Variants in SEMA6A observed in about 807,000 individuals in gnomAD.
SEMA6A encodes semaphorin 6A, also known as semaphorin-6A.
SEMA6A carries 25 observed loss-of-function variants against 96.8 expected under a neutral mutation model. That is an observed-to-expected ratio of 0.26 (90% CI 0.19 to 0.36). The LOEUF (loss-of-function observed/expected upper bound fraction) is 0.36, where lower values mean the gene tolerates loss of function less well. Among genes scored for constraint, SEMA6A ranks in the 10% least tolerant of loss-of-function variants. The probability of loss-of-function intolerance (pLI) is 1.00; values close to 1 mark genes in which losing one functional copy is unlikely to be tolerated. For synonymous variants in SEMA6A, 612 were observed against 518.0 expected (o/e 1.18, Z -2.46); for missense variants, 1,363 against 1,323.1 (o/e 1.03, Z -0.47).
At chr5:116,558,127 CT>C (rs1486034221) in intron 1 of SEMA6A, among the ~76,000 whole-genome samples, 1 of 152,154 alleles carries the variant, frequency 6.6e-6, no homozygotes, top group South Asian at 2.1e-4. Flanking sequence ...TTAAAGCCCC[CT>C]GAAAATAGTT....
At position 116,557,315 on chromosome 5, in the gene SEMA6A, G is replaced by A. The variant is rs146035040; in HGVS notation, c.-39+16870C>T. Among the ~76,000 whole-genome samples the A allele has an allele frequency of 7.1e-3, 1,080 of 152,242 alleles. 9 individuals are homozygous for A. Among genetic ancestry groups the A allele is most frequent in the African/African-American group, 0.025 (1,020 of 41,544 alleles). ...CAATCTCCACCTCCTGGGCTCAAGC[G>A]ATTCTCGTGCCTCAGTCTCCCAAGT... is the stretch of plus-strand genomic sequence containing the variant. On this transcript the variant is annotated intron_variant, in intron 1 of 18. Coordinates refer to ENST00000343348, the MANE Select transcript of SEMA6A (RefSeq NM_020796.5).
chr5:116,546,530 A>G (rs1760193476), intron 1 of SEMA6A, among the ~76,000 whole-genome samples: 1 of 152,212 alleles, frequency 6.6e-6, no homozygotes, highest in Non-Finnish European at 1.5e-5. Context: ...TAAAATGCAG[A>G]TTCATATCCA....
chr5:116,447,817 A>G lies in SEMA6A; in HGVS notation c.1895-6T>C, dbSNP rs1306666388. ...GTAACTTTCCCGAATCACTCCTGCA[A>G]TAGACATCGCATATGGCGTTAAGAA... is the stretch of plus-strand genomic sequence containing the variant. On this transcript the variant is annotated splice_region_variant and splice_polypyrimidine_tract_variant and intron_variant, in intron 18 of 18. Transcript: ENST00000343348. 1.8e-5 allele frequency: 28 copies of G among 1,581,542 alleles called. No individual in the cohort carries two copies. The highest frequency in any genetic ancestry group is 2.4e-5 in the Non-Finnish European group (28 of 1,160,312).
At position 116,467,692 on chromosome 5, in the gene SEMA6A, C is replaced by T; in HGVS notation, c.1785G>A (p.Glu595=). The change falls in exon 18 of 19, where the codon GAG becomes GAA. Residue 595 remains glutamate, a synonymous_variant. Coordinates refer to ENST00000343348, the MANE Select transcript of SEMA6A (RefSeq NM_020796.5). ...STTTSDSTAQ[E]GYESRGGMLD... The stretch of plus-strand genomic sequence containing the variant: ...GCATTCCTCCCCTAGACTCATACCC[C>T]TCTTGAGCCGTCGAATCTGATGTGG... The T allele has an allele frequency of 6.2e-7, 1 of 1,613,864 alleles. No individual in the cohort carries two copies. The highest frequency in any genetic ancestry group is 1.1e-5 in the South Asian group (1 of 91,064).
At chr5:116,449,199 A>G (rs1209107021) in intron 18 of SEMA6A, 6 of 620,616 alleles carry the variant, frequency 9.7e-6, no homozygotes, top group African/African-American at 3.7e-5. Context: ...AATCTCTAAT[A>G]CCTCAATTCC....
At chr5:116,473,036 C>T (rs1756244092) in intron 17 of SEMA6A, 37 bp downstream of exon 17, 1 of 1,576,496 alleles carries the variant, frequency 6.3e-7, no homozygotes, top group African/African-American at 1.3e-5. Flanking sequence ...GATAGGTTTC[C>T]ACCAGTATGG....
At chr5:116,451,295 A>T (rs1401623694) in intron 18 of SEMA6A, among the ~76,000 whole-genome samples, 1 of 152,210 alleles carries the variant, frequency 6.6e-6, no homozygotes, top group Non-Finnish European at 1.5e-5. Flanking sequence ...TTAGTGGCTC[A>T]CAGAGGGCTT....
At chr5:116,502,355 A>G in intron 2 of SEMA6A, 28 bp from the exon 3 acceptor site, 3 of 1,600,360 alleles carry the variant, frequency 1.9e-6, no homozygotes, top group Non-Finnish European at 2.6e-6. Flanking sequence ...GGGGCAAGAA[A>G]GGAAAAGCAA....
At chr5:116,497,466 A>G (rs1029715681) in intron 3 of SEMA6A, 79 bp from the exon 4 acceptor site, 7 of 837,790 alleles carry the variant, frequency 8.4e-6, no homozygotes, top group African/African-American at 1.7e-5. Flanking sequence ...GTTATGTCTT[A>G]TCAGGGCAGA....
At chr5:116,522,159 G>C (rs1441743355) in intron 1 of SEMA6A, among the ~76,000 whole-genome samples, 1 of 152,194 alleles carries the variant, frequency 6.6e-6, no homozygotes, top group Admixed American at 6.5e-5. Flanking sequence ...GTCTCTGAGG[G>C]AGGAGGTGTA....
chr5:116,545,901 T>A (rs925751985), intron 1 of SEMA6A, among the ~76,000 whole-genome samples: 2 of 152,222 alleles, frequency 1.3e-5, no homozygotes, highest in Admixed American at 6.5e-5. Flanking sequence ...TATCTAGTTC[T>A]GCCATTCATC....
chr5:116,547,734 T>TAAAAAAAAAAAA (rs34908253), intron 1 of SEMA6A, among the ~76,000 whole-genome samples: 3 of 65,584 alleles, frequency 4.6e-5, no homozygotes, highest in African/African-American at 5.7e-5. Flanking sequence ...ATCTGATACT[T>TAAAAAAAAAAAA]AAAAAAAAAA....
chr5:116,490,188 T>G (rs1362887229), intron 7 of SEMA6A, among the ~76,000 whole-genome samples: 1 of 152,224 alleles, frequency 6.6e-6, no homozygotes, highest in African/African-American at 2.4e-5. Flanking sequence ...CAGCTATATA[T>G]CAATAAGTTT....
rs1754143778 is a variant in SEMA6A, at chr5:116,445,824, T to C, written c.*789A>G. ...TTAATGGATTTCACGTTAAATAGTT[T>C]AACTTTCAATGGGCTTTCTGAAGAG... On this transcript the variant is annotated 3_prime_UTR_variant, in exon 19 of 19. Coordinates refer to ENST00000343348, the MANE Select transcript of SEMA6A (RefSeq NM_020796.5). The C allele has an allele frequency of 6.5e-6, 1 of 152,682 alleles. No individual in the cohort carries two copies. Among genetic ancestry groups the C allele is most frequent in the Non-Finnish European group, 1.5e-5 (1 of 68,040 alleles). The allele number at this position is 152,682 out of a possible 1,614,324, so 9.5% of individuals were successfully genotyped here.
chr5:116,459,429 C>A (rs1755231708), intron 18 of SEMA6A, among the ~76,000 whole-genome samples: 1 of 152,144 alleles, frequency 6.6e-6, no homozygotes, highest in Non-Finnish European at 1.5e-5. Flanking sequence ...TCTACCTTCC[C>A]ATCCTCCACT....
intron 1 of SEMA6A, among the ~76,000 whole-genome samples, chr5:116,518,919 A>G (rs548402702): frequency 7.2e-5 from 11 of 152,302 alleles, no homozygotes; most frequent in African/African-American, 2.4e-4. Context: ...TGAATAACTA[A>G]AAGACTAAGG....
At chr5:116,458,730 C>CT (rs960304252) in intron 18 of SEMA6A, among the ~76,000 whole-genome samples, 1 of 151,580 alleles carries the variant, frequency 6.6e-6, no homozygotes, top group African/African-American at 2.4e-5. Flanking sequence ...TGACATTTAA[C>CT]TTTTTTTTTC....
At chr5:116,467,977 A>C (rs1755879155) in intron 17 of SEMA6A, 6 of 523,264 alleles carry the variant, frequency 1.1e-5, no homozygotes, top group Admixed American at 3.4e-5. Flanking sequence ...GCCAGATCCT[A>C]TCTCTCATAC....
At chr5:116,488,822 C>G in intron 8 of SEMA6A, 66 bp downstream of exon 8, 2 of 1,475,618 alleles carry the variant, frequency 1.4e-6, no homozygotes, top group Non-Finnish European at 1.8e-6. Flanking sequence ...CCTCCAGACT[C>G]TAAATCTCCC....
Sources: gnomAD v4.1 joint callset for allele counts (sites outside exome capture counted in the v4.1 genomes callset) on GRCh38, gnomAD v4.1.1 for gene constraint, MANE v1.5 for transcripts, NCBI Gene and HGNC (gene_info 2026-07-23, HGNC 2026-07-21) for gene names.